The following MALRD1 variants were observed in gnomAD, a reference collection of about 807,000 sequenced individuals.
The protein encoded by MALRD1 is MAM and LDL-receptor class A domain-containing protein 1.
A neutral mutation model predicts 242.1 loss-of-function variants in MALRD1; 247 were observed. That is an observed-to-expected ratio of 1.02 (90% CI 0.92 to 1.13). The LOEUF (loss-of-function observed/expected upper bound fraction) is 1.13. Ranked by LOEUF, MALRD1 falls within the 50% of genes most tolerant of loss-of-function variation. The pLI is 0.00. For missense variants in MALRD1, 2,989 were observed against 2,533.1 expected (o/e 1.18, Z -3.86); for synonymous variants, 995 against 866.6 (o/e 1.15, Z -2.60).
chr10:19,102,742 G>A (rs1052416222), intron 4 of MALRD1, among the ~76,000 whole-genome samples: 1 of 152,160 alleles, frequency 6.6e-6, no homozygotes, highest in Non-Finnish European at 1.5e-5. Flanking sequence ...TAGTTAATTA[G>A]AAAATCGGAG....
At chr10:19,257,419 A>T (rs2131807183) in intron 18 of MALRD1, among the ~76,000 whole-genome samples, 1 of 152,232 alleles carries the variant, frequency 6.6e-6, no homozygotes, top group East Asian at 1.9e-4. Context: ...TCAATCTAAT[A>T]TACTGAAATT....
intron 36 of MALRD1, among the ~76,000 whole-genome samples, chr10:19,691,147 G>A (rs1842800496): frequency 6.6e-6 from 1 of 151,908 alleles, no homozygotes; most frequent in African/African-American, 2.4e-5. Flanking sequence ...AGGATTGTGA[G>A]GGAAAAAAAC....
rs1163821863 is a variant in MALRD1, at chr10:19,387,819, T to C, written c.4687+46T>C. On this transcript the variant is annotated intron_variant, in intron 27 of 39. Coordinates refer to ENST00000454679, the MANE Select transcript of MALRD1 (RefSeq NM_001142308.3). ...AATTGCTTTCACATGATTTTCACAATGTACATCAAAATGTCTTTTCTGATA... is the reference window on the plus strand; with the variant it reads ...AATTGCTTTCACATGATTTTCACAACGTACATCAAAATGTCTTTTCTGATA... 17 of 1,520,306 alleles carry C rather than the reference T, an allele frequency of 1.1e-5. No homozygotes were observed. In the East Asian group the frequency reaches 3.9e-4, roughly 35 times the overall value. The allele number at this position is 1,520,306 out of a possible 1,614,324, so 94.2% of individuals were successfully genotyped here.
At position 19,176,366 on chromosome 10, in the gene MALRD1, C is replaced by CTTTTTTTTTTTTTTTTTTT. The variant is rs11443184; in HGVS notation, c.1951+1039_1951+1057dup. ...TCGAGAGAGTGTATATTTCTGGGTG[C>CTTTTTTTTTTTTTTTTTTT]TTTTTTTTTTTTTTTTTTTGAGACG... On this transcript the variant is annotated intron_variant, in intron 14 of 39. Coordinates refer to ENST00000454679, the MANE Select transcript of MALRD1 (RefSeq NM_001142308.3). 1.2e-3 allele frequency among the ~76,000 whole-genome samples: 106 copies of CTTTTTTTTTTTTTTTTTTT among 87,294 alleles called. 9 individuals carry two copies. Among genetic ancestry groups the CTTTTTTTTTTTTTTTTTTT allele is most frequent in the Non-Finnish European group, 1.5e-3 (65 of 43,400 alleles). The allele number at this position is 87,294 out of a possible 152,430, so 57.3% of individuals were successfully genotyped here.
intron 12 of MALRD1, among the ~76,000 whole-genome samples, chr10:19,163,279 TAAAG>T (rs748651218): frequency 1.3e-5 from 2 of 151,194 alleles, no homozygotes; most frequent in Non-Finnish European, 2.9e-5. Context: ...ACAGATTGGT[TAAAG>T]AAAGAGTGGT....
chr10:19,048,049 C>G (rs2131187049), upstream of MALRD1, among the ~76,000 whole-genome samples: 1 of 152,230 alleles, frequency 6.6e-6, no homozygotes, highest in Admixed American at 6.5e-5. Flanking sequence ...TCTGTGTGAT[C>G]TCAACTTCAA....
intron 1 of MALRD1, among the ~76,000 whole-genome samples, chr10:19,053,959 A>T (rs1231115436): frequency 2.0e-5 from 3 of 152,204 alleles, no homozygotes; most frequent in Non-Finnish European, 2.9e-5. Context: ...TTCACATGAT[A>T]TTAAGCACTT....
intron 5 of MALRD1, among the ~76,000 whole-genome samples, chr10:19,115,366 C>T (rs975980647): frequency 1.3e-5 from 2 of 152,022 alleles, no homozygotes; most frequent in African/African-American, 2.4e-5. Context: ...ATAACAGACC[C>T]CCATGACACG....
chr10:19,219,105 A>AT (rs989312044), intron 18 of MALRD1, among the ~76,000 whole-genome samples: 1 of 151,924 alleles, frequency 6.6e-6, no homozygotes, highest in African/African-American at 2.4e-5. Flanking sequence ...AACTGTATCT[A>AT]TTTTTTTCCC....
chr10:19,214,836 A>C (rs938953293), intron 18 of MALRD1, among the ~76,000 whole-genome samples: 12 of 152,188 alleles, frequency 7.9e-5, no homozygotes, highest in Non-Finnish European at 1.5e-4. Context: ...GACTTTCACA[A>C]AATTGCCTTT....
At chr10:19,674,859 CT>C (rs879665994) in intron 36 of MALRD1, among the ~76,000 whole-genome samples, 247 of 148,224 alleles carry the variant, frequency 1.7e-3, no homozygotes, top group Middle Eastern at 3.5e-3. Flanking sequence ...TTTCTTCTTC[CT>C]TTTTTTTTTC....
Position 19,567,653 on chromosome 10 carries a change from T to C in MALRD1, c.5630T>C (p.Ile1877Thr). The change falls in exon 33 of 40, where the codon ATC becomes ACC. Residue 1877 changes from isoleucine (I) to threonine (T), a missense_variant. Coordinates refer to ENST00000454679, the MANE Select transcript of MALRD1 (RefSeq NM_001142308.3). ...GCTGATTTGGATGGAAATGAGGACA[T>C]CTTTATTGCTCTTGATGACATCTCT... ...FEADLDGNED[I>T]FIALDDISFT... The C allele has an allele frequency of 6.4e-7, 1 of 1,550,682 alleles. No individual in the cohort carries two copies. The highest frequency in any genetic ancestry group is 8.7e-7 in the Non-Finnish European group (1 of 1,146,930).
Position 19,281,422 on chromosome 10 carries a change from G to A in MALRD1, c.3256+1199G>A, listed in dbSNP as rs539309804. ...AATTTCCTCTAAGTTCAACTTTGCC[G>A]TTTTAGTGATGTCGTTTATGATTAG... On this transcript the variant is annotated intron_variant, in intron 20 of 39. Transcript: ENST00000454679. Among the ~76,000 whole-genome samples, 53 of 152,258 alleles carry A rather than the reference G, an allele frequency of 3.5e-4. 1 individual carries two copies. The highest frequency in any genetic ancestry group is 2.7e-3 in the South Asian group (13 of 4,828).
chr10:19,124,815 G>C (rs1336223561), intron 7 of MALRD1, 145 bp downstream of exon 7: 1 of 612,360 alleles, frequency 1.6e-6, no homozygotes, highest in African/African-American at 1.9e-5. Flanking sequence ...AGCTGAAGGT[G>C]AAAATAACAA....
intron 31 of MALRD1, among the ~76,000 whole-genome samples, chr10:19,517,324 T>C (rs2358412): frequency 0.25 from 37,598 of 152,004 alleles, 7,430 homozygotes; most frequent in African/African-American, 0.55. Context: ...GGTGAAAACA[T>C]GGGCAATTTC....
At chr10:19,231,364 C>T (rs1040908503) in intron 18 of MALRD1, among the ~76,000 whole-genome samples, 1 of 152,154 alleles carries the variant, frequency 6.6e-6, no homozygotes, top group Non-Finnish European at 1.5e-5. Flanking sequence ...AAATCTCTAT[C>T]TCAAATCTGC....
chr10:19,071,477 G>T (rs973045977), intron 2 of MALRD1, among the ~76,000 whole-genome samples: 1 of 152,104 alleles, frequency 6.6e-6, no homozygotes, highest in East Asian at 1.9e-4. Context: ...AAGGCTGACA[G>T]AATTGAATTT....
chr10:19,567,364 T>G (rs1836300017), intron 32 of MALRD1, 138 bp from the exon 33 acceptor site: 1 of 784,366 alleles, frequency 1.3e-6, no homozygotes, highest in Non-Finnish European at 2.0e-6. Flanking sequence ...AACCCACAAT[T>G]TCTACAGATA....
intron 34 of MALRD1, among the ~76,000 whole-genome samples, chr10:19,598,910 T>C (rs1838228790): frequency 6.6e-6 from 1 of 152,062 alleles, no homozygotes; most frequent in Non-Finnish European, 1.5e-5. Context: ...AAAAATCCTT[T>C]AGTATCAAAA....
Sources: allele counts gnomAD v4.1 joint callset (sites outside exome capture counted in the v4.1 genomes callset), GRCh38; gene constraint gnomAD v4.1.1; transcripts MANE v1.5; gene names NCBI Gene and HGNC (gene_info 2026-07-23, HGNC 2026-07-21).